Variants in SLC35F2 observed in about 807,000 individuals in gnomAD.
SLC35F2 encodes solute carrier family 35 member F2, also known as queuine/queuosine transporter SLC35F2.
Under a neutral mutation model 38.1 loss-of-function variants are expected in SLC35F2, and 25 were observed. That is an observed-to-expected ratio of 0.66 (90% CI 0.48 to 0.92). The LOEUF (loss-of-function observed/expected upper bound fraction) is 0.92, where lower values mean the gene tolerates loss of function less well. SLC35F2 is among the 40% of genes least tolerant of loss of function. SLC35F2 has a pLI of 0.00. For missense variants in SLC35F2, 409 were observed against 452.9 expected (o/e 0.90, Z 0.88); for synonymous variants, 173 against 181.7 (o/e 0.95, Z 0.38).
chr11:107,855,325 T>C (rs974286405), intron 1 of SLC35F2, among the ~76,000 whole-genome samples: 3 of 152,008 alleles, frequency 2.0e-5, no homozygotes, highest in East Asian at 3.9e-4. Flanking sequence ...GTGGTAGATA[T>C]AAAAAAGAAA....
chr11:107,792,918 T>C (rs1473624638), intron 7 of SLC35F2, 118 bp from the exon 8 acceptor site: 1 of 1,354,180 alleles, frequency 7.4e-7, no homozygotes, highest in Non-Finnish European at 9.5e-7. Context: ...TCTTTCTTTC[T>C]TTCTTTCTTT....
At chr11:107,814,690 C>G (rs1859538671) in intron 2 of SLC35F2, among the ~76,000 whole-genome samples, 1 of 152,094 alleles carries the variant, frequency 6.6e-6, no homozygotes, top group Admixed American at 6.6e-5. Context: ...TGGCTGGGCC[C>G]AGTGGCTCAC....
intron 3 of SLC35F2, among the ~76,000 whole-genome samples, chr11:107,807,271 C>CAAAAAAAAAAAA (rs201964530): frequency 0.043 from 3,031 of 70,528 alleles, 301 homozygotes; most frequent in African/African-American, 0.056. Flanking sequence ...CCTGTCTGTA[C>CAAAAAAAAAAAA]AAAAAAAAAA....
intron 1 of SLC35F2, among the ~76,000 whole-genome samples, chr11:107,843,856 AAAAAAAAAAAAAATATATATATATATAT>A (rs1245432021): frequency 8.1e-5 from 3 of 36,942 alleles, no homozygotes; most frequent in African/African-American, 2.6e-4. Flanking sequence ...TAAAAAAAAA[AAAAAAAAAAAAAATATATATATATATAT>A]ATATATATAT....
intron 7 of SLC35F2, among the ~76,000 whole-genome samples, chr11:107,801,127 G>A (rs12804640): frequency 0.15 from 22,837 of 151,976 alleles, 2,770 homozygotes; most frequent in East Asian, 0.42. Flanking sequence ...GGCTGGTCTC[G>A]AACCCTTGAC....
chr11:107,833,379 C>T (rs916755118), intron 1 of SLC35F2, among the ~76,000 whole-genome samples: 7 of 151,844 alleles, frequency 4.6e-5, no homozygotes, highest in South Asian at 4.2e-4. Flanking sequence ...ATTAGCCAGG[C>T]GTGGTCGCAC....
intron 2 of SLC35F2, among the ~76,000 whole-genome samples, chr11:107,812,529 G>GAGGGC (rs1292266024): frequency 2.0e-5 from 3 of 150,654 alleles, no homozygotes; most frequent in Non-Finnish European, 3.0e-5. Flanking sequence ...AAAAAAGAGG[G>GAGGGC]AGGGCAGGGC....
chr11:107,815,234 GA>G (rs75374763), intron 2 of SLC35F2, among the ~76,000 whole-genome samples: 8,622 of 151,488 alleles, frequency 0.057, 642 homozygotes, highest in African/African-American at 0.17. Flanking sequence ...AATTGGGGGG[GA>G]AACCTAACTT....
At chr11:107,802,691 G>A (rs565394253) in intron 7 of SLC35F2, among the ~76,000 whole-genome samples, 3 of 152,306 alleles carry the variant, frequency 2.0e-5, no homozygotes, top group East Asian at 3.9e-4. Flanking sequence ...TGTCCCTCAA[G>A]GTCAACAGCA....
At chr11:107,792,962 G>T (rs1027981210) in intron 7 of SLC35F2, 162 bp from the exon 8 acceptor site, 13 of 967,826 alleles carry the variant, frequency 1.3e-5, no homozygotes, top group Non-Finnish European at 1.6e-5. Context: ...TGTGGCCCAG[G>T]CTGGAGTGCA....
intron 1 of SLC35F2, among the ~76,000 whole-genome samples, chr11:107,858,146 G>C (rs1365630383): frequency 3.3e-5 from 5 of 152,214 alleles, no homozygotes. Context: ...CAGGAAGAGA[G>C]AGCCGGCTCT....
At chr11:107,793,832 T>G (rs1217581129) in intron 7 of SLC35F2, among the ~76,000 whole-genome samples, 1 of 152,108 alleles carries the variant, frequency 6.6e-6, no homozygotes, top group Non-Finnish European at 1.5e-5. Flanking sequence ...AGGAGCCCAT[T>G]CTGACAGAAA....
chr11:107,835,768 T>C (rs925291032), intron 1 of SLC35F2, among the ~76,000 whole-genome samples: 2 of 152,084 alleles, frequency 1.3e-5, no homozygotes, highest in Non-Finnish European at 2.9e-5. Context: ...CCTAACACTG[T>C]GTCAAGCTAT....
chr11:107,815,640 G>C (rs1323756145), intron 2 of SLC35F2, 150 bp downstream of exon 2: 3 of 811,998 alleles, frequency 3.7e-6, no homozygotes, highest in Non-Finnish European at 5.7e-6. Flanking sequence ...GTTACAAACA[G>C]TATGGTGCTA....
At position 107,791,514 on chromosome 11, in the gene SLC35F2, A is replaced by C. The variant is rs1390975979; in HGVS notation, c.*1101T>G. The C allele has an allele frequency of 2.0e-5, 3 of 152,232 alleles. No homozygotes were observed. The highest frequency in any genetic ancestry group is 4.4e-5 in the Non-Finnish European group (3 of 68,056). 9.4% of individuals were successfully genotyped at this position (152,232 alleles called of 1,614,324 possible). A position where few individuals can be genotyped will look rare whatever the true frequency, so the allele number is the denominator to read the frequency against. On this transcript the variant is annotated 3_prime_UTR_variant, in exon 8 of 8. Transcript: ENST00000525815. ...CTGTGGAGCACATAGCCAGTGTCAC[A>C]GGCTCCGAGAGCAGAGAGAGTTTGC...
chr11:107,813,445 C>T (rs1006017539), intron 2 of SLC35F2, among the ~76,000 whole-genome samples: 3 of 152,066 alleles, frequency 2.0e-5, no homozygotes, highest in Non-Finnish European at 2.9e-5. Context: ...GCCTGGGCAA[C>T]AAGAGCGAAA....
intron 3 of SLC35F2, chr11:107,811,230 T>C: frequency 1.0e-6 from 1 of 985,424 alleles, no homozygotes; most frequent in South Asian, 4.7e-5. Flanking sequence ...GTTTTAACTC[T>C]GGCTACCACC....
intron 1 of SLC35F2, among the ~76,000 whole-genome samples, chr11:107,824,600 G>C (rs1042862385): frequency 2.0e-5 from 3 of 152,290 alleles, no homozygotes; most frequent in African/African-American, 7.2e-5. Context: ...AAGAATCCTA[G>C]TCTTTGAATC....
intron 1 of SLC35F2, among the ~76,000 whole-genome samples, chr11:107,841,951 A>C (rs1860018539): frequency 1.3e-5 from 2 of 152,004 alleles, no homozygotes; most frequent in East Asian, 3.9e-4. Context: ...CTGTAATCCC[A>C]GCTACTCGGG....
Sources: allele counts gnomAD v4.1 joint callset (sites outside exome capture counted in the v4.1 genomes callset), GRCh38; gene constraint gnomAD v4.1.1; transcripts MANE v1.5; gene names NCBI Gene and HGNC (gene_info 2026-07-23, HGNC 2026-07-21).